NCOA6: variants seen among roughly 807,000 people sequenced by gnomAD.
NCOA6 encodes the protein NRC RAP250.
A neutral mutation model predicts 171.4 loss-of-function variants in NCOA6; 49 were observed. The ratio of observed to expected loss-of-function variants is 0.29; its 90% CI spans 0.23 to 0.36. The LOEUF (loss-of-function observed/expected upper bound fraction) is 0.36, where lower values mean the gene tolerates loss of function less well. Among genes scored for constraint, NCOA6 ranks in the 10% least tolerant of loss-of-function variants. NCOA6 has a pLI of 1.00. For synonymous variants in NCOA6, 910 were observed against 927.5 expected (o/e 0.98, Z 0.34); for missense variants, 2,248 against 2,554.5 (o/e 0.88, Z 2.59).
At chr20:34,790,798 C>T (rs771940899) in intron 2 of NCOA6, among the ~76,000 whole-genome samples, 31 of 152,016 alleles carry the variant, frequency 2.0e-4, no homozygotes, top group Non-Finnish European at 3.5e-4. Context: ...TACAGGCACG[C>T]ACCACCATGC....
At chr20:34,779,810 A>G (rs2077461156) in intron 3 of NCOA6, among the ~76,000 whole-genome samples, 1 of 151,092 alleles carries the variant, frequency 6.6e-6, no homozygotes, top group Non-Finnish European at 1.5e-5. Context: ...ACTTTTCCAG[A>G]CATGGAGTTC....
rs777078786 is a variant in NCOA6, at chr20:34,742,583, G to A, written c.3673C>T (p.Pro1225Ser). 6.2e-7 allele frequency: 1 copy of A among 1,614,070 alleles called. No homozygotes were observed. Among genetic ancestry groups the A allele is most frequent in the African/African-American group, 1.3e-5 (1 of 74,926 alleles). ...ASPRPYYPQTPNNRPPSTEPS... is the reference protein window; with the variant it reads ...ASPRPYYPQTSNNRPPSTEPS... Reference sequence around the variant, plus strand: ...TCTGTGCTGGGAGGGCGGTTGTTGGGTGTCTGAGGATAATAGGGTCTGGGG... The same window carrying A: ...TCTGTGCTGGGAGGGCGGTTGTTGGATGTCTGAGGATAATAGGGTCTGGGG... The change falls in exon 11 of 15, where the codon CCC (proline) becomes TCC (serine). Residue 1225 changes from proline (P) to serine (S), a missense_variant. This residue lies in a region of NCOA6 where 352 missense variants were observed against 419.1 expected (regional missense o/e 0.84). Coordinates refer to ENST00000359003, the MANE Select transcript of NCOA6 (RefSeq NM_014071.5).
intron 1 of NCOA6, among the ~76,000 whole-genome samples, chr20:34,809,165 T>G (rs2078567994): frequency 6.6e-6 from 1 of 152,252 alleles, no homozygotes; most frequent in Non-Finnish European, 1.5e-5. Context: ...TTGTCTTTTC[T>G]TGGTACTTTT....
At chr20:34,729,814 G>C (rs991319213) in intron 13 of NCOA6, among the ~76,000 whole-genome samples, 3 of 152,166 alleles carry the variant, frequency 2.0e-5, no homozygotes, top group Non-Finnish European at 4.4e-5. Context: ...ACTCCTGCCA[G>C]AGGACCCTTT....
chr20:34,759,030 T>TG (rs2076737538), intron 5 of NCOA6, 97 bp from the exon 6 acceptor site: 80 of 267,822 alleles, frequency 3.0e-4, no homozygotes, highest in Non-Finnish European at 4.2e-4. Flanking sequence ...GGAAAATTTG[T>TG]TTTTTTTTTT....
intron 9 of NCOA6, among the ~76,000 whole-genome samples, chr20:34,748,498 A>G (rs1196517704): frequency 6.6e-6 from 1 of 152,238 alleles, no homozygotes; most frequent in East Asian, 1.9e-4. Context: ...AATTTATTTC[A>G]ATTAACCTGT....
chr20:34,746,684 A>G, intron 10 of NCOA6, 123 bp downstream of exon 10: 2 of 1,163,906 alleles, frequency 1.7e-6, no homozygotes, highest in East Asian at 2.7e-5. Context: ...CAGACACATT[A>G]AATCACTGAA....
intron 5 of NCOA6, among the ~76,000 whole-genome samples, chr20:34,766,902 G>T (rs1210768594): frequency 6.6e-6 from 1 of 152,118 alleles, no homozygotes; most frequent in Admixed American, 6.5e-5. Context: ...TCCAGTAGTG[G>T]CAACAGTGTC....
In NCOA6 at chr20:34,727,241, C is replaced by T. The variant is rs779170255; in HGVS notation, c.6148+18G>A. 11 of 1,612,336 alleles carry T rather than the reference C, an allele frequency of 6.8e-6. No individual in the cohort carries two copies. In the South Asian group the frequency reaches 7.7e-5, roughly 11 times the overall value. On this transcript the variant is annotated intron_variant, in intron 14 of 14. Coordinates refer to ENST00000359003, the MANE Select transcript of NCOA6 (RefSeq NM_014071.5). Reference sequence around the variant, plus strand: ...CCTCTATTTGACCCACAAATAGCACCCACATCCCACTGCTAACCTTTAGTA... The same window carrying T: ...CCTCTATTTGACCCACAAATAGCACTCACATCCCACTGCTAACCTTTAGTA...
At chr20:34,815,815 G>A (rs1359443580) in intron 1 of NCOA6, among the ~76,000 whole-genome samples, 5 of 152,124 alleles carry the variant, frequency 3.3e-5, no homozygotes, top group African/African-American at 9.7e-5. Flanking sequence ...AAATGAGGGA[G>A]GCTGGGTGTG....
chr20:34,799,941 C>T (rs986956297), intron 1 of NCOA6, among the ~76,000 whole-genome samples: 25 of 152,208 alleles, frequency 1.6e-4, no homozygotes, highest in Non-Finnish European at 2.4e-4. Context: ...CACAGACAAA[C>T]ACAGAATATT....
At chr20:34,815,936 T>C (rs962294502) in intron 1 of NCOA6, among the ~76,000 whole-genome samples, 3 of 152,174 alleles carry the variant, frequency 2.0e-5, no homozygotes, top group Non-Finnish European at 4.4e-5. Context: ...GAATCAATTA[T>C]CTACCATTTC....
At chr20:34,812,838 A>C (rs1411801304) in intron 1 of NCOA6, among the ~76,000 whole-genome samples, 1 of 152,056 alleles carries the variant, frequency 6.6e-6, no homozygotes, top group African/African-American at 2.4e-5. Context: ...CAACATAGGG[A>C]GACCCCACTT....
chr20:34,758,923 C>T lies in NCOA6; in HGVS notation c.525G>A (p.Arg175=), dbSNP rs752831960. The change falls in exon 6 of 15, where the codon AGG becomes AGA. Residue 175 remains arginine, a synonymous_variant. Transcript: ENST00000359003. ...TCATAACAGTGGCAGGGTTGTTCAT[C>T]CTTATTATTCCTAGAAAAAAGATCC... ...FPMASGPGII[R]MNNPATVMIP... is the part of the protein sequence containing the mutation. The T allele has an allele frequency of 2.0e-5, 32 of 1,613,560 alleles. No individual in the cohort carries two copies. Among genetic ancestry groups the T allele is most frequent in the Non-Finnish European group, 2.7e-5 (32 of 1,179,876 alleles).
intron 3 of NCOA6, among the ~76,000 whole-genome samples, chr20:34,777,876 T>C (rs2146125053): frequency 6.6e-6 from 1 of 152,214 alleles, no homozygotes; most frequent in East Asian, 1.9e-4. Flanking sequence ...GATGAATGAA[T>C]CAGTAAAATA....
Position 34,741,228 on chromosome 20 carries a change from G to C in NCOA6, c.5028C>G (p.Ser1676Arg), listed in dbSNP as rs1392648395. 7 of 1,614,226 alleles carry C rather than the reference G, an allele frequency of 4.3e-6. No homozygotes were observed. The highest frequency in any genetic ancestry group is 5.1e-6 in the Non-Finnish European group (6 of 1,180,044). ...TTGTCAGTGGGGCTGCAGGAATTGT[G>C]CTTGGCTGTGATCCTTTCATAACCT... ...IIQVMKGSQPSTIPAAPLTTN... is the reference protein window; with the variant it reads ...IIQVMKGSQPRTIPAAPLTTN... The change falls in exon 11 of 15, where the codon AGC becomes AGG. Residue 1676 changes from serine to arginine, a missense_variant. Transcript: ENST00000359003.
intron 1 of NCOA6, among the ~76,000 whole-genome samples, chr20:34,815,689 C>T (rs1183893449): frequency 6.6e-6 from 1 of 152,062 alleles, no homozygotes; most frequent in African/African-American, 2.4e-5. Flanking sequence ...GCTGATGTAT[C>T]TCTCAATGCC....
At chr20:34,815,776 T>C (rs1350909426) in intron 1 of NCOA6, among the ~76,000 whole-genome samples, 1 of 152,072 alleles carries the variant, frequency 6.6e-6, no homozygotes, top group South Asian at 2.1e-4. Context: ...GATTTCTTTA[T>C]TGTGCTGGCA....
chr20:34,725,431 G>C (rs986488939), intron 14 of NCOA6, among the ~76,000 whole-genome samples: 1 of 152,186 alleles, frequency 6.6e-6, no homozygotes, highest in Non-Finnish European at 1.5e-5. Flanking sequence ...AGAGAGAAGA[G>C]CACTCCCTGC....
Sources: allele counts gnomAD v4.1 joint callset (sites outside exome capture counted in the v4.1 genomes callset), GRCh38; gene constraint gnomAD v4.1.1; regional missense constraint gnomAD v4.1.1; transcripts MANE v1.5; gene names NCBI Gene and HGNC (gene_info 2026-07-23, HGNC 2026-07-21).